The following MCTP2 variants were observed in gnomAD, a reference collection of about 807,000 sequenced individuals.
The protein encoded by MCTP2 is multiple C2 and transmembrane domain containing 2.
In MCTP2, 132 loss-of-function variants were observed where a neutral mutation model predicts 111.6. That is an observed-to-expected ratio of 1.18 (90% confidence interval 1.03 to 1.37). The LOEUF is 1.37. Ranked by LOEUF, MCTP2 falls within the 40% of genes most tolerant of loss-of-function variation. The pLI, the probability that MCTP2 is intolerant of heterozygous loss-of-function variation, is 0.00. For synonymous variants in MCTP2, 395 were observed against 387.7 expected, an observed-to-expected ratio of 1.02 and a Z score of -0.22; for missense variants, 1,183 against 1,067.9, an observed-to-expected ratio of 1.11 and a Z score of -1.50.
chr15:94,268,426 A>C (rs964069757), intron 1 of MCTP2, among the ~76,000 whole-genome samples: 1 of 145,314 alleles, frequency 6.9e-6, no homozygotes, highest in Non-Finnish European at 1.5e-5. Context: ...TCCCGACCTC[A>C]GGTGATCCAC....
At position 94,339,248 on chromosome 15, in the gene MCTP2, A is replaced by AT. The variant is rs779850239; in HGVS notation, c.638-41dup. 7.5e-6 allele frequency: 11 copies of AT among 1,457,392 alleles called. No homozygotes were observed. The Admixed American group carries it at 1.8e-4, about 23-fold the overall frequency. The allele number at this position is 1,457,392 out of a possible 1,614,324, so 90.3% of individuals were successfully genotyped here. A position where few individuals can be genotyped will look rare whatever the true frequency, so the allele number is the denominator to read the frequency against. ...TTTAATGAAAGTCCCAGGCTTTTAC[A>AT]TGTATTTTAAAATTCTGTCTTGTTT... On this transcript the variant is annotated intron_variant, in intron 4 of 22. Transcript: ENST00000357742.
intron 19 of MCTP2, among the ~76,000 whole-genome samples, chr15:94,452,949 CTTTG>C (rs72317548): frequency 0.21 from 31,731 of 151,886 alleles, 3,742 homozygotes; most frequent in African/African-American, 0.32. Flanking sequence ...CGTGAAAAAA[CTTTG>C]TTTGTTTTGT....
intron 20 of MCTP2, among the ~76,000 whole-genome samples, chr15:94,468,813 A>G (rs954535444): frequency 6.6e-6 from 1 of 152,140 alleles, no homozygotes; most frequent in African/African-American, 2.4e-5. Flanking sequence ...ATTTTAGTAG[A>G]GATGAGATTT....
chr15:94,298,778 CTCTT>C lies in MCTP2; in HGVS notation c.465+51_465+54del, dbSNP rs562668829. The C allele has an allele frequency of 6.0e-3, 7,232 of 1,203,692 alleles. 53 individuals are homozygous for C. The highest frequency in any genetic ancestry group is 6.5e-3 in the Non-Finnish European group (5,657 of 872,672). The allele number at this position is 1,203,692 out of a possible 1,614,324, so 74.6% of individuals were successfully genotyped here. On this transcript the variant is annotated intron_variant, in intron 2 of 22. Transcript: ENST00000357742. The stretch of plus-strand genomic sequence containing the variant: ...TTTTTTTTTGTCTCTCTCTCTCTCT[CTCTT>C]TCCCTCTCTTTCTCCCTCTCTCCCC...
intron 4 of MCTP2, among the ~76,000 whole-genome samples, chr15:94,316,361 T>G (rs1328285193): frequency 6.6e-6 from 1 of 152,250 alleles, no homozygotes. Context: ...TTGTATATGC[T>G]TCTGTGCACA....
chr15:94,362,525 G>A (rs1396966387), intron 10 of MCTP2, among the ~76,000 whole-genome samples: 1 of 152,138 alleles, frequency 6.6e-6, no homozygotes, highest in African/African-American at 2.4e-5. Context: ...CTGAGGCAGC[G>A]AAAAATCTGG....
intron 1 of MCTP2, among the ~76,000 whole-genome samples, chr15:94,244,741 C>A (rs956229679): frequency 2.0e-5 from 3 of 147,490 alleles, no homozygotes; most frequent in Admixed American, 6.7e-5. Flanking sequence ...TATGTATACA[C>A]ATACATATGC....
At chr15:94,443,048 T>TC (rs1026741833) in intron 19 of MCTP2, 88 bp downstream of exon 19, 50 of 129,446 alleles carry the variant, frequency 3.9e-4, no homozygotes, top group East Asian at 2.7e-3. Flanking sequence ...CTCTCCTCTC[T>TC]TTTTTTTTTT....
chr15:94,406,166 G>T (rs2081886721), intron 17 of MCTP2, among the ~76,000 whole-genome samples: 5 of 152,160 alleles, frequency 3.3e-5, no homozygotes, highest in Admixed American at 3.3e-4. Flanking sequence ...TTATTTCAGT[G>T]CTTAGACACT....
chr15:94,314,436 TAAAAA>T, intron 3 of MCTP2, 92 bp downstream of exon 3: 16 of 619,260 alleles, frequency 2.6e-5, no homozygotes, highest in African/African-American at 4.2e-5. Flanking sequence ...CTTTTATTGC[TAAAAA>T]AAAAAAAAAA....
At chr15:94,275,889 C>T (rs1341242508) in intron 1 of MCTP2, among the ~76,000 whole-genome samples, 3 of 147,558 alleles carry the variant, frequency 2.0e-5, no homozygotes, top group African/African-American at 7.5e-5. Context: ...GCTCTGTTTC[C>T]CAGGCTGGAG....
At chr15:94,358,060 CTG>C (rs1228837609) in intron 9 of MCTP2, among the ~76,000 whole-genome samples, 2 of 152,214 alleles carry the variant, frequency 1.3e-5, no homozygotes, top group African/African-American at 4.8e-5. Context: ...AGACCCTAAA[CTG>C]TTAATTTATA....
chr15:94,464,594 G>A (rs951719262), intron 20 of MCTP2, among the ~76,000 whole-genome samples: 29 of 151,598 alleles, frequency 1.9e-4, no homozygotes, highest in African/African-American at 7.0e-4. Flanking sequence ...CTTTAAGATG[G>A]ATAATTAGAT....
intron 12 of MCTP2, among the ~76,000 whole-genome samples, chr15:94,383,259 G>C (rs895780017): frequency 2.0e-5 from 3 of 152,174 alleles, no homozygotes; most frequent in African/African-American, 7.2e-5. Flanking sequence ...CAGCCATGTA[G>C]AAGCCTGTAA....
chr15:94,363,317 G>A (rs2079033652), intron 10 of MCTP2, among the ~76,000 whole-genome samples: 1 of 152,090 alleles, frequency 6.6e-6, no homozygotes, highest in South Asian at 2.1e-4. Context: ...AAGTAAGCAG[G>A]CAGTGGCAGT....
At chr15:94,264,315 T>G (rs960464668) in intron 1 of MCTP2, among the ~76,000 whole-genome samples, 2 of 152,096 alleles carry the variant, frequency 1.3e-5, no homozygotes, top group South Asian at 4.1e-4. Flanking sequence ...TATAATAATA[T>G]TGTCCACTTG....
chr15:94,461,040 T>C (rs1347626688), intron 20 of MCTP2, among the ~76,000 whole-genome samples: 1 of 152,128 alleles, frequency 6.6e-6, no homozygotes, highest in Non-Finnish European at 1.5e-5. Context: ...GGGACCCCAG[T>C]GGTGTTGCAT....
chr15:94,307,826 C>T (rs942722574), intron 2 of MCTP2, among the ~76,000 whole-genome samples: 3 of 152,142 alleles, frequency 2.0e-5, no homozygotes, highest in Admixed American at 6.5e-5. Context: ...CAGTCTCTGA[C>T]TTTGTCCTGG....
chr15:94,323,037 G>T (rs2076698782), intron 4 of MCTP2, among the ~76,000 whole-genome samples: 1 of 152,196 alleles, frequency 6.6e-6, no homozygotes, highest in African/African-American at 2.4e-5. Context: ...CTGGCATAAA[G>T]AGCTGTGAGG....
Sources: allele counts gnomAD v4.1 joint callset (sites outside exome capture counted in the v4.1 genomes callset), GRCh38; gene constraint gnomAD v4.1.1; transcripts MANE v1.5; gene names NCBI Gene and HGNC (gene_info 2026-07-23, HGNC 2026-07-21).